CCP110: variants seen among roughly 807,000 people sequenced by gnomAD.
CCP110 encodes the protein centriolar coiled-coil protein of 110 kDa.
Under a neutral mutation model 105.5 loss-of-function variants are expected in CCP110, and 43 were observed. The ratio of observed to expected loss-of-function variants is 0.41; its 90% CI spans 0.32 to 0.53. The LOEUF is 0.53. CCP110 is among the 20% of genes least tolerant of loss of function. The pLI is 0.32. For synonymous variants in CCP110, 353 were observed against 392.1 expected (o/e 0.90, Z 1.18); for missense variants, 1,016 against 1,189.1 (o/e 0.85, Z 2.14).
rs1012239002 is a variant in CCP110, at chr16:19,544,931, A to G, written c.2586+33A>G. The G allele has an allele frequency of 5.2e-6, 6 of 1,154,620 alleles. No homozygotes were observed. In the African/African-American group the frequency reaches 9.4e-5, roughly 18 times the overall value. The allele number at this position is 1,154,620 out of a possible 1,614,324, so 71.5% of individuals were successfully genotyped here. On this transcript the variant is annotated intron_variant, in intron 9 of 14. Transcript: ENST00000381396. ...CATGGATCCTGAAGGCTTTTAAGAC[A>G]TGGACATATTATATTTCTCCTTTTT...
At position 19,532,558 on chromosome 16, in the gene CCP110, G is replaced by C. The variant is rs1969911416; in HGVS notation, c.270+14G>C. 1 of 1,569,772 alleles carries C rather than the reference G, an allele frequency of 6.4e-7. No individual in the cohort carries two copies. Among genetic ancestry groups the C allele is most frequent in the Admixed American group, 2.1e-5 (1 of 46,584 alleles). On this transcript the variant is annotated intron_variant, in intron 3 of 14. Coordinates refer to ENST00000381396, the Ensembl canonical transcript of CCP110. The stretch of plus-strand genomic sequence containing the variant: ...GACAATGTTCAGGTGTGTGATTTTA[G>C]CTGTTTCAGTTATAATAAAGAAATC...
Position 19,529,167 on chromosome 16 carries a change from C to G in CCP110, c.141+1145C>G, listed in dbSNP as rs957560652. On this transcript the variant is annotated intron_variant, in intron 2 of 14. Coordinates refer to ENST00000381396, the Ensembl canonical transcript of CCP110. ...TAAGAGGTACCCAATATAAGTTAAC[C>G]ATTTGGGTTTTTCAAAGGATGGCTA... Among the ~76,000 whole-genome samples, 2 of 152,168 alleles carry G rather than the reference C, an allele frequency of 1.3e-5. 1 individual carries two copies. The highest frequency in any genetic ancestry group is 4.1e-4 in the South Asian group (2 of 4,828).
At chr16:19,540,920 T>C in intron 5 of CCP110, 133 bp downstream of exon 5, 1 of 546,248 alleles carries the variant, frequency 1.8e-6, no homozygotes, top group Admixed American at 3.8e-5. Context: ...TTTTGATACG[T>C]GAATGGTATT....
At chr16:19,524,659 C>G (rs1225180732) in intron 1 of CCP110, 1 of 152,186 alleles carries the variant, frequency 6.6e-6, no homozygotes, top group Non-Finnish European at 1.5e-5. Context: ...ATTCTGGTTA[C>G]GATCCAAGCT....
chr16:19,532,323 T>C, intron 2 of CCP110, 93 bp from the exon 3 acceptor site: 1 of 1,063,258 alleles, frequency 9.4e-7, no homozygotes, highest in Non-Finnish European at 1.3e-6. Flanking sequence ...GTTTTGCCTG[T>C]TGCACATGTT....
intron 3 of CCP110, among the ~76,000 whole-genome samples, chr16:19,535,393 A>G (rs1400262633): frequency 1.3e-5 from 2 of 152,192 alleles, no homozygotes; most frequent in Non-Finnish European, 2.9e-5. Context: ...ACTTTGGAGT[A>G]AGCATGTAGG....
exon 4 of CCP110, chr16:19,536,421 G>A (rs776323044): frequency 1.2e-6 from 2 of 1,613,432 alleles, no homozygotes; most frequent in South Asian, 1.1e-5. Context: ...CTGAGAGGTA[G>A]TATCAACAGA....
At chr16:19,547,850 T>C in intron 12 of CCP110, 105 bp from the exon 13 acceptor site, 1 of 787,442 alleles carries the variant, frequency 1.3e-6, no homozygotes, top group Admixed American at 1.9e-5. Flanking sequence ...TATTATTGCA[T>C]AGTTGACCTT....
intron 11 of CCP110, 73 bp from the exon 12 acceptor site, chr16:19,546,339 C>A: frequency 3.6e-6 from 3 of 843,684 alleles, no homozygotes; most frequent in South Asian, 1.5e-5. Context: ...TTCTGTCATC[C>A]TGTATTACAT....
intron 2 of CCP110, among the ~76,000 whole-genome samples, chr16:19,529,530 T>C (rs1247328505): frequency 6.6e-6 from 1 of 152,230 alleles, no homozygotes; most frequent in Non-Finnish European, 1.5e-5. Context: ...GTTGTCATCT[T>C]TGCTTTATTG....
At chr16:19,553,165 G>A (rs1970694863) in exon 15 of CCP110, 1 of 152,112 alleles carries the variant, frequency 6.6e-6, no homozygotes, top group African/African-American at 2.4e-5. Flanking sequence ...AAACTTGAGT[G>A]TTTTTAATTT....
At chr16:19,537,429 G>C in exon 4 of CCP110, 4 of 1,613,734 alleles carry the variant, frequency 2.5e-6, no homozygotes, top group Non-Finnish European at 3.4e-6. Flanking sequence ...GTTAAACGGA[G>C]ACTTGATTTA....
At chr16:19,546,461 CCTT>C in exon 12 of CCP110, 1 of 1,583,310 alleles carries the variant, frequency 6.3e-7, no homozygotes, top group Non-Finnish European at 8.7e-7. Flanking sequence ...TAAACAAAAT[CCTT>C]CTGAAACAAG....
chr16:19,546,356 G>C, intron 11 of CCP110, 56 bp from the exon 12 acceptor site: 1 of 984,556 alleles, frequency 1.0e-6, no homozygotes, highest in Non-Finnish European at 1.6e-6. Flanking sequence ...ACATTTGTAA[G>C]CATGTTTTCT....
chr16:19,532,108 T>C (rs1272354753), intron 2 of CCP110, among the ~76,000 whole-genome samples: 1 of 152,250 alleles, frequency 6.6e-6, no homozygotes, highest in African/African-American at 2.4e-5. Context: ...AACAAACTTT[T>C]TTCTTTTTAA....
At chr16:19,541,086 A>G (rs1970260155) in intron 5 of CCP110, among the ~76,000 whole-genome samples, 1 of 152,098 alleles carries the variant, frequency 6.6e-6, no homozygotes, top group Non-Finnish European at 1.5e-5. Context: ...CAGGAGTTGT[A>G]TCATAAAAAT....
At chr16:19,541,611 G>C (rs1407883881) in intron 5 of CCP110, among the ~76,000 whole-genome samples, 1 of 151,394 alleles carries the variant, frequency 6.6e-6, no homozygotes, top group Non-Finnish European at 1.5e-5. Context: ...GGGGGACAGA[G>C]CGAGATTCTG....
intron 2 of CCP110, among the ~76,000 whole-genome samples, chr16:19,528,374 A>G (rs549740652): frequency 7.9e-5 from 12 of 152,368 alleles, no homozygotes; most frequent in African/African-American, 2.4e-4. Context: ...GCCCAAAGAA[A>G]TAAGTACAAA....
At chr16:19,529,059 T>C (rs1969775770) in intron 2 of CCP110, among the ~76,000 whole-genome samples, 1 of 152,240 alleles carries the variant, frequency 6.6e-6, no homozygotes, top group Non-Finnish European at 1.5e-5. Context: ...TAAATGGGGA[T>C]AAAATAGTGC....
Sources: gnomAD v4.1 joint callset for allele counts (sites outside exome capture counted in the v4.1 genomes callset) on GRCh38, gnomAD v4.1.1 for gene constraint, MANE v1.5 for transcripts, NCBI Gene and HGNC (gene_info 2026-07-23, HGNC 2026-07-21) for gene names.